Variants in ELP1 observed in about 807,000 individuals in gnomAD.
ELP1 encodes elongator complex protein 1.
In ELP1, 131 loss-of-function variants were observed where a neutral mutation model predicts 183.2. The ratio of observed to expected loss-of-function variants is 0.72; its 90% CI spans 0.62 to 0.83. The LOEUF (loss-of-function observed/expected upper bound fraction) is 0.83, where lower values mean the gene tolerates loss of function less well. ELP1 is among the 40% of genes least tolerant of loss of function. ELP1 has a pLI of 0.00. For synonymous variants in ELP1, 555 were observed against 569.0 expected, an observed-to-expected ratio of 0.98 and a Z score of 0.35; for missense variants, 1,550 against 1,594.9, an observed-to-expected ratio of 0.97 and a Z score of 0.48.
intron 15 of ELP1, 136 bp from the exon 16 acceptor site, chr9:108,903,078 T>C (rs1010283980): frequency 4.0e-6 from 2 of 505,074 alleles, no homozygotes; most frequent in Admixed American, 3.7e-5. Flanking sequence ...TATTTATTTA[T>C]ATATATATTT....
chr9:108,881,838 C>A, intron 30 of ELP1, 73 bp from the exon 31 acceptor site: 1 of 938,660 alleles, frequency 1.1e-6, no homozygotes, highest in Non-Finnish European at 1.7e-6. Context: ...CTTAGAAAGA[C>A]ATGGATTACT....
At chr9:108,882,028 T>G in intron 30 of ELP1, 97 bp downstream of exon 30, 1 of 1,005,498 alleles carries the variant, frequency 9.9e-7, no homozygotes, top group South Asian at 1.3e-5. Flanking sequence ...ACTTATTTCA[T>G]GAACCTCAGA....
At chr9:108,918,174 T>C (rs1487710212) in intron 8 of ELP1, among the ~76,000 whole-genome samples, 7 of 152,178 alleles carry the variant, frequency 4.6e-5, no homozygotes, top group Admixed American at 4.6e-4. Flanking sequence ...CTCTATCATA[T>C]AATACCATTC....
At position 108,911,093 on chromosome 9, in the gene ELP1, T is replaced by A; in HGVS notation, c.1277A>T (p.Gln426Leu). 1 of 1,614,034 alleles carries A rather than the reference T, an allele frequency of 6.2e-7. No homozygotes were observed. The highest frequency in any genetic ancestry group is 8.5e-7 in the Non-Finnish European group (1 of 1,179,966). Residue 426 changes from glutamine (Q) to leucine (L), a missense_variant, in exon 12 of 37, where the codon CAA (glutamine) becomes CTA (leucine). By Grantham distance (113) the Gln-to-Leu change is moderately radical (BLOSUM62 -2). Transcript: ENST00000374647. ...TTGAGGGTGTGCTAAGAATGTGACT[T>A]GATTCACAGGGTGTGGGAACAGCAG... ...YQLLFPHPVN[Q>L]VTFLAHPQKS...
Position 108,911,138 on chromosome 9 carries a change from G to A in ELP1, c.1232C>T (p.Pro411Leu). The change falls in exon 12 of 37, where the codon CCT becomes CTT. Residue 411 changes from proline (P) to leucine (L), a missense_variant. Pro to Leu is a moderately conservative substitution (Grantham distance 98). Coordinates refer to ENST00000374647, the MANE Select transcript of ELP1 (RefSeq NM_003640.5). ...CAGCAGTTGGTAGGTGCACATGGGA[G>A]GCGGAACCACAGTCTGCCGGAAGAC... ...VTVFRQTVVP[P>L]PMCTYQLLFP... 1 of 1,614,188 alleles carries A rather than the reference G, an allele frequency of 6.2e-7. No individual in the cohort carries two copies. Among genetic ancestry groups the A allele is most frequent in the Non-Finnish European group, 8.5e-7 (1 of 1,180,034 alleles).
rs1827319912 is a variant in ELP1, at chr9:108,868,585, T to C, written c.*530A>G. The C allele has an allele frequency of 4.5e-6, 2 of 444,372 alleles. No individual in the cohort carries two copies. Among genetic ancestry groups the C allele is most frequent in the South Asian group, 7.8e-5 (1 of 12,834 alleles). 27.5% of individuals were successfully genotyped at this position (444,372 alleles called of 1,614,324 possible). On this transcript the variant is annotated 3_prime_UTR_variant, in exon 37 of 37. Coordinates refer to ENST00000374647, the MANE Select transcript of ELP1 (RefSeq NM_003640.5). Reference sequence around the variant, plus strand: ...CAGCCCAGTTATAACTGAAAGCACATGACCTGGTAAGATGTTACAAAATAA... The same window carrying C: ...CAGCCCAGTTATAACTGAAAGCACACGACCTGGTAAGATGTTACAAAATAA...
In ELP1 at chr9:108,927,467, A is replaced by C; in HGVS notation, c.304-14T>G. On this transcript the variant is annotated splice_polypyrimidine_tract_variant and intron_variant, in intron 3 of 36. Coordinates refer to ENST00000374647, the MANE Select transcript of ELP1 (RefSeq NM_003640.5). Reference sequence around the variant, plus strand: ...AACACACTCCAGCTGAGACAGAGAAAATTGAAAAGAGAGATTCAAACACTA... The same window carrying C: ...AACACACTCCAGCTGAGACAGAGAACATTGAAAAGAGAGATTCAAACACTA... 6.2e-7 allele frequency: 1 copy of C among 1,604,726 alleles called. No individual in the cohort carries two copies. The highest frequency in any genetic ancestry group is 8.5e-7 in the Non-Finnish European group (1 of 1,171,482).
intron 36 of ELP1, among the ~76,000 whole-genome samples, chr9:108,872,473 A>C (rs1827492325): frequency 6.6e-6 from 1 of 152,214 alleles, no homozygotes; most frequent in African/African-American, 2.4e-5. Context: ...GTATTTCATA[A>C]ATTCCAATTA....
Position 108,901,647 on chromosome 9 carries a change from A to G in ELP1, c.1889T>C (p.Phe630Ser). 3.7e-6 allele frequency: 6 copies of G among 1,614,238 alleles called. No homozygotes were observed. The highest frequency in any genetic ancestry group is 5.1e-6 in the Non-Finnish European group (6 of 1,180,016). The part of the protein sequence containing the change: ...CVLGLTDRCR[F>S]FINDIEVASN... ...TGATACCTCAATGTCATTGATGAAA[A>G]AGCGACACCTGTCAGTCAGACCAAG... The change falls in exon 17 of 37, where the codon TTT becomes TCT. Residue 630 changes from phenylalanine (F) to serine (S), a missense_variant. By Grantham distance (155) the Phe-to-Ser change is radical. Transcript: ENST00000374647.
intron 36 of ELP1, among the ~76,000 whole-genome samples, chr9:108,873,389 G>C (rs1385275650): frequency 6.6e-6 from 1 of 152,146 alleles, no homozygotes. Context: ...CTAATTTTGT[G>C]ATTAGTTCAT....
At chr9:108,906,242 A>C in intron 14 of ELP1, 61 bp downstream of exon 14, 4 of 1,565,958 alleles carry the variant, frequency 2.6e-6, no homozygotes, top group Non-Finnish European at 3.5e-6. Flanking sequence ...GTATGCTCAT[A>C]AAAGACAAAA....
intron 36 of ELP1, among the ~76,000 whole-genome samples, chr9:108,872,608 T>C (rs1827502355): frequency 6.6e-6 from 1 of 151,396 alleles, no homozygotes; most frequent in South Asian, 2.1e-4. Flanking sequence ...ATCGAGACCA[T>C]CCTGGCTAAC....
At chr9:108,883,464 G>A (rs1220226047) in intron 29 of ELP1, among the ~76,000 whole-genome samples, 1 of 151,880 alleles carries the variant, frequency 6.6e-6, no homozygotes, top group Non-Finnish European at 1.5e-5. Context: ...TCTGTGCCCA[G>A]CCTTCAAGAG....
intron 32 of ELP1, 112 bp downstream of exon 32, chr9:108,879,940 C>G: frequency 2.6e-6 from 2 of 774,630 alleles, no homozygotes; most frequent in East Asian, 2.5e-5. Context: ...CTCACACTTG[C>G]CCATGGCACA....
chr9:108,872,803 T>TCAAA (rs1564207087), intron 36 of ELP1, among the ~76,000 whole-genome samples: 19 of 62,808 alleles, frequency 3.0e-4, no homozygotes, highest in African/African-American at 9.3e-4. Context: ...AGACTCTGTC[T>TCAAA]GAAAAAAAAA....
intron 11 of ELP1, among the ~76,000 whole-genome samples, chr9:108,911,777 C>T (rs556449509): frequency 2.7e-4 from 41 of 152,248 alleles, no homozygotes; most frequent in Non-Finnish European, 5.0e-4. Context: ...AACCTTCTAC[C>T]TCATTATAAA....
At position 108,906,446 on chromosome 9, in the gene ELP1, C is replaced by A. The variant is rs749837963; in HGVS notation, c.1500G>T (p.Pro500=). ...FENNEDQDVN[P]LKLGLLTWIE... ...TCCAAGTGAGAAGGCCTAGTTTCAGCGGGTTTACATCTTGATCTTCATTAT... is the reference window on the plus strand; with the variant it reads ...TCCAAGTGAGAAGGCCTAGTTTCAGAGGGTTTACATCTTGATCTTCATTAT... Residue 500 remains proline (P), a synonymous_variant, in exon 14 of 37, where the codon CCG becomes CCT. Coordinates refer to ENST00000374647, the MANE Select transcript of ELP1 (RefSeq NM_003640.5). 1 of 1,613,772 alleles carries A rather than the reference C, an allele frequency of 6.2e-7. No individual in the cohort carries two copies. Among genetic ancestry groups the A allele is most frequent in the Admixed American group, 1.7e-5 (1 of 59,988 alleles).
At chr9:108,891,138 C>T in intron 28 of ELP1, 65 bp downstream of exon 28, 2 of 1,514,352 alleles carry the variant, frequency 1.3e-6, no homozygotes, top group South Asian at 1.1e-5. Flanking sequence ...TGCAAAATTA[C>T]CAAACAAAAG....
At chr9:108,870,945 C>T (rs1275596115) in intron 36 of ELP1, among the ~76,000 whole-genome samples, 2 of 147,834 alleles carry the variant, frequency 1.4e-5, no homozygotes, top group African/African-American at 5.0e-5. Context: ...TCCAAGATTC[C>T]TATCTTGAAA....
Sources: gnomAD v4.1 joint callset for allele counts (sites outside exome capture counted in the v4.1 genomes callset) on GRCh38, gnomAD v4.1.1 for gene constraint, MANE v1.5 for transcripts, NCBI Gene and HGNC (gene_info 2026-07-23, HGNC 2026-07-21) for gene names.